The following NDUFA10 variants were observed in gnomAD, a reference collection of about 807,000 sequenced individuals.
NDUFA10 encodes the protein NADH dehydrogenase [ubiquinone] 1 alpha subcomplex subunit 10, mitochondrial.
In NDUFA10, 40 loss-of-function variants were observed where a neutral mutation model predicts 47.8. The ratio of observed to expected loss-of-function variants is 0.84; its 90% CI spans 0.65 to 1.09. The LOEUF (loss-of-function observed/expected upper bound fraction) is 1.09. NDUFA10 is among the 50% of genes least tolerant of loss of function. The pLI, the probability that NDUFA10 is intolerant of heterozygous loss-of-function variation, is 0.00. For synonymous variants in NDUFA10, 183 were observed against 172.2 expected, an observed-to-expected ratio of 1.06 and a Z score of -0.49; for missense variants, 413 against 451.1, an observed-to-expected ratio of 0.92 and a Z score of 0.76.
intron 3 of NDUFA10, among the ~76,000 whole-genome samples, chr2:240,019,234 T>A (rs1276007726): frequency 6.6e-6 from 1 of 152,174 alleles, no homozygotes; most frequent in Non-Finnish European, 1.5e-5. Context: ...TGTTTCCACA[T>A]CGAGTCTTCA....
chr2:240,019,895 C>A lies in NDUFA10; in HGVS notation c.461-1256G>T, dbSNP rs147274331. On this transcript the variant is annotated intron_variant, in intron 3 of 9. Transcript: ENST00000252711. ...TGTCAGTGTGAAGTCCACGCTACGACATCAGCTCCTGGATTGGCTCCTGGT... is the reference window on the plus strand; with the variant it reads ...TGTCAGTGTGAAGTCCACGCTACGAAATCAGCTCCTGGATTGGCTCCTGGT... Among the ~76,000 whole-genome samples the A allele has an allele frequency of 9.3e-5, 14 of 151,114 alleles. No individual in the cohort carries two copies. In the East Asian group the frequency reaches 2.7e-3, roughly 30 times the overall value.
chr2:240,011,649 A>G lies in NDUFA10; in HGVS notation c.717T>C (p.Asn239=), dbSNP rs764638245. The change falls in exon 6 of 10, where the codon AAT becomes AAC. Residue 239 remains asparagine, a synonymous_variant. Coordinates refer to ENST00000252711, the MANE Select transcript of NDUFA10 (RefSeq NM_004544.4). ...ITSAYLQDIE[N]AYKKTFLPEM... is the part of the protein sequence containing the mutation. ...CAGGGAGAAAGGTTTTCTTATAGGC[A>G]TTCTCAATGTCCTGTAGATAGGCAG... 1 of 1,613,556 alleles carries G rather than the reference A, an allele frequency of 6.2e-7. No individual in the cohort carries two copies. Among genetic ancestry groups the G allele is most frequent in the South Asian group, 1.1e-5 (1 of 91,068 alleles).
At chr2:239,951,488 G>A (rs1248351575) in intron 4 of NDUFA10, among the ~76,000 whole-genome samples, 1 of 152,180 alleles carries the variant, frequency 6.6e-6, no homozygotes, top group Non-Finnish European at 1.5e-5. Flanking sequence ...AAATGCCCGT[G>A]CTGGGCAGCC....
chr2:239,954,807 C>G (rs1374767263), downstream of NDUFA10, among the ~76,000 whole-genome samples: 2 of 84,932 alleles, frequency 2.4e-5, no homozygotes, highest in African/African-American at 1.5e-4. Context: ...CCATGCTCCC[C>G]CAAGTGGGTT....
At chr2:239,973,832 TGAG>T (rs1001196275) in intron 9 of NDUFA10, among the ~76,000 whole-genome samples, 3 of 152,170 alleles carry the variant, frequency 2.0e-5, no homozygotes, top group African/African-American at 7.2e-5. Flanking sequence ...GGGCACAAAA[TGAG>T]GAGGGTCGCT....
At chr2:240,012,037 C>T (rs372287152) in intron 5 of NDUFA10, 1 of 342,616 alleles carries the variant, frequency 2.9e-6, no homozygotes. Context: ...GAAAGAGCAC[C>T]AAAAATTGGG....
intron 4 of NDUFA10, chr2:239,943,036 C>T (rs990649205): frequency 6.5e-6 from 1 of 154,452 alleles, no homozygotes; most frequent in Non-Finnish European, 1.5e-5. Context: ...CAGACCAGAG[C>T]TGGCTTCACC....
chr2:240,004,064 G>A (rs577162031), intron 8 of NDUFA10, among the ~76,000 whole-genome samples: 1 of 152,304 alleles, frequency 6.6e-6, no homozygotes, highest in Admixed American at 6.5e-5. Flanking sequence ...GCCTGCCAGA[G>A]CCCAGCAGCA....
intron 4 of NDUFA10, among the ~76,000 whole-genome samples, chr2:239,914,382 AACAC>A (rs1239670070): frequency 6.6e-6 from 1 of 151,464 alleles, no homozygotes; most frequent in African/African-American, 2.4e-5. Context: ...ACACACACAA[AACAC>A]ACACATACAT....
intron 4 of NDUFA10, among the ~76,000 whole-genome samples, chr2:239,914,557 C>T (rs1693810762): frequency 7.0e-6 from 1 of 143,792 alleles, no homozygotes. Flanking sequence ...TATACAGACA[C>T]AGAGATACAC....
intron 8 of NDUFA10, among the ~76,000 whole-genome samples, chr2:239,993,523 C>A (rs767142216): frequency 6.6e-6 from 1 of 152,156 alleles, no homozygotes; most frequent in Non-Finnish European, 1.5e-5. Flanking sequence ...AGAACCAGGG[C>A]AGACTGGGAT....
intron 9 of NDUFA10, among the ~76,000 whole-genome samples, chr2:239,978,148 T>C (rs1430101756): frequency 6.6e-6 from 1 of 152,170 alleles, no homozygotes; most frequent in Non-Finnish European, 1.5e-5. Context: ...CCCTGCTCCA[T>C]CAACGGTCCC....
chr2:239,937,897 A>G (rs1694290927), intron 4 of NDUFA10, among the ~76,000 whole-genome samples: 1 of 152,194 alleles, frequency 6.6e-6, no homozygotes, highest in Non-Finnish European at 1.5e-5. Flanking sequence ...TATTTGTAAC[A>G]CACCTCACAG....
chr2:239,980,595 C>T (rs538856274), intron 9 of NDUFA10, among the ~76,000 whole-genome samples: 2 of 152,270 alleles, frequency 1.3e-5, no homozygotes, highest in South Asian at 4.1e-4. Context: ...AACAGGGTTT[C>T]CAGTTATAAA....
chr2:239,962,103 C>G (rs1694876469), intron 9 of NDUFA10, among the ~76,000 whole-genome samples: 1 of 152,060 alleles, frequency 6.6e-6, no homozygotes, highest in South Asian at 2.1e-4. Flanking sequence ...CGTTGCGGAG[C>G]CAGGAGAAAG....
At chr2:239,990,724 C>T (rs1001596472) in intron 8 of NDUFA10, among the ~76,000 whole-genome samples, 3 of 152,162 alleles carry the variant, frequency 2.0e-5, no homozygotes, top group Non-Finnish European at 2.9e-5. Context: ...AGGTCTAATT[C>T]TCCACTTTTC....
chr2:240,006,062 G>A (rs1696936825), intron 7 of NDUFA10, among the ~76,000 whole-genome samples: 2 of 152,142 alleles, frequency 1.3e-5, no homozygotes, highest in South Asian at 4.1e-4. Context: ...CTTTCCAGAG[G>A]AGTAATCTTT....
At chr2:239,993,623 C>T (rs923838009) in intron 8 of NDUFA10, among the ~76,000 whole-genome samples, 2 of 152,094 alleles carry the variant, frequency 1.3e-5, no homozygotes, top group Non-Finnish European at 1.5e-5. Context: ...AACAGGGTCA[C>T]TGTGACTTTT....
At chr2:239,953,983 T>G (rs1694606153), downstream of NDUFA10, among the ~76,000 whole-genome samples, 4 of 152,138 alleles carry the variant, frequency 2.6e-5, no homozygotes, top group Admixed American at 2.6e-4. Flanking sequence ...CTCGGGGCTG[T>G]GAAAGTGGGT....
Sources: gnomAD v4.1 joint callset for allele counts (sites outside exome capture counted in the v4.1 genomes callset) on GRCh38, gnomAD v4.1.1 for gene constraint, MANE v1.5 for transcripts, NCBI Gene and HGNC (gene_info 2026-07-23, HGNC 2026-07-21) for gene names.